HIRA: variants seen among roughly 807,000 people sequenced by gnomAD.
The protein encoded by HIRA is protein HIRA.
HIRA carries 13 observed loss-of-function variants against 126.6 expected under a neutral mutation model. That is an observed-to-expected ratio of 0.10 (90% confidence interval 0.07 to 0.16). HIRA has a LOEUF of 0.16. Among genes scored for constraint, HIRA ranks in the 10% least tolerant of loss-of-function variants. HIRA has a pLI of 1.00. For synonymous variants in HIRA, 511 were observed against 520.0 expected, an observed-to-expected ratio of 0.98 and a Z score of 0.24; for missense variants, 834 against 1,314.4, an observed-to-expected ratio of 0.63 and a Z score of 5.65.
rs2088487297 is a variant in HIRA, at chr22:19,331,595, G to A, written c.2938-39C>T. The A allele has an allele frequency of 1.9e-6, 3 of 1,545,140 alleles. No homozygotes were observed. The East Asian group carries it at 6.8e-5, about 35-fold the overall frequency. ...GTGACAGCTGAGTGCAAGTGTCAGTGAAGAGACCTAGATTGTGGGGACTTT... is the reference window on the plus strand; with the variant it reads ...GTGACAGCTGAGTGCAAGTGTCAGTAAAGAGACCTAGATTGTGGGGACTTT... On this transcript the variant is annotated intron_variant, in intron 24 of 24. Coordinates refer to ENST00000263208, the MANE Select transcript of HIRA (RefSeq NM_003325.4).
chr22:19,383,662 C>T lies in HIRA; in HGVS notation c.1373G>A (p.Arg458Gln). ...KQVETRTADG[R>Q]RRITPLCIAQ... ...TATGCAGAGAGGCGTGATTCTTCTC[C>T]GGCCATCTGCTGTCCGAGTCTCAAC... The change falls in exon 13 of 25, where the codon CGG becomes CAG. Residue 458 changes from arginine to glutamine, a missense_variant. Arg to Gln is a conservative substitution (Grantham distance 43). This residue lies in a region of HIRA where 153 missense variants were observed against 270.6 expected (regional missense o/e 0.57). Transcript: ENST00000263208. 1.2e-6 allele frequency: 2 copies of T among 1,614,140 alleles called. No individual in the cohort carries two copies. The highest frequency in any genetic ancestry group is 2.2e-5 in the East Asian group (1 of 44,890).
chr22:19,376,758 ACATAAGACTC>A (rs2089022808), intron 14 of HIRA, among the ~76,000 whole-genome samples: 1 of 152,178 alleles, frequency 6.6e-6, no homozygotes, highest in South Asian at 2.1e-4. Flanking sequence ...GGCTGAAGTA[ACATAAGACTC>A]CATTCCACCA....
intron 9 of HIRA, among the ~76,000 whole-genome samples, chr22:19,391,382 A>G (rs1276901685): frequency 6.6e-6 from 1 of 152,100 alleles, no homozygotes; most frequent in Admixed American, 6.6e-5. Context: ...GACAAAAAGG[A>G]GTGCTCTAGG....
intron 13 of HIRA, among the ~76,000 whole-genome samples, chr22:19,379,088 C>T (rs1300673271): frequency 2.2e-4 from 33 of 151,118 alleles, no homozygotes; most frequent in African/African-American, 6.6e-4. Flanking sequence ...AGTGCAGTGG[C>T]GCGATCTCGC....
At chr22:19,358,061 G>A (rs930655561) in intron 18 of HIRA, among the ~76,000 whole-genome samples, 1 of 152,138 alleles carries the variant, frequency 6.6e-6, no homozygotes, top group Non-Finnish European at 1.5e-5. Flanking sequence ...GTGTAGTGGC[G>A]TGATCTCGGC....
At chr22:19,334,457 T>A (rs71313923) in intron 24 of HIRA, among the ~76,000 whole-genome samples, 1 of 150,146 alleles carries the variant, frequency 6.7e-6, no homozygotes, top group Non-Finnish European at 1.5e-5. Flanking sequence ...TCGAGACCAG[T>A]CTGGCCAACA....
intron 1 of HIRA, among the ~76,000 whole-genome samples, chr22:19,423,374 C>T (rs1009466421): frequency 5.3e-5 from 8 of 152,096 alleles, no homozygotes; most frequent in Non-Finnish European, 1.2e-4. Flanking sequence ...ATCCCAGTCT[C>T]ACTGGCCAGG....
At chr22:19,347,069 A>G (rs2088695306) in intron 24 of HIRA, among the ~76,000 whole-genome samples, 1 of 152,226 alleles carries the variant, frequency 6.6e-6, no homozygotes, top group South Asian at 2.1e-4. Flanking sequence ...TCTTGGGCTA[A>G]GGCTGACAGA....
intron 1 of HIRA, among the ~76,000 whole-genome samples, chr22:19,415,218 A>C (rs2089386487): frequency 6.6e-6 from 1 of 152,228 alleles, no homozygotes; most frequent in East Asian, 1.9e-4. Flanking sequence ...TAGTGCTAAT[A>C]ATGAATTCAG....
At position 19,375,573 on chromosome 22, in the gene HIRA, C is replaced by T. The variant is rs141112797; in HGVS notation, c.1775+58G>A. 741 of 1,575,368 alleles carry T rather than the reference C, an allele frequency of 4.7e-4. 7 individuals carry two copies. In the African/African-American group the frequency reaches 9.3e-3, roughly 20 times the overall value. On this transcript the variant is annotated intron_variant, in intron 15 of 24. Transcript: ENST00000263208. ...GCTTGGTGGGAACACTGCCACTGTG[C>T]TGTTGACCCATGCCTGCACCCTGCC...
At chr22:19,394,282 C>A in intron 8 of HIRA, 60 bp downstream of exon 8, 1 of 1,563,416 alleles carries the variant, frequency 6.4e-7, no homozygotes, top group South Asian at 1.1e-5. Context: ...CAAAATAAAC[C>A]AAGAATTAAT....
Position 19,357,056 on chromosome 22 carries a change from G to A in HIRA, c.2235-5C>T. ...CAGGCGACACACACCACGTCACTGA[G>A]AAGGCAGAGTGGGGGCAGGTGTCAT... On this transcript the variant is annotated splice_region_variant and splice_polypyrimidine_tract_variant and intron_variant, in intron 18 of 24. Transcript: ENST00000263208. 6.2e-7 allele frequency: 1 copy of A among 1,613,952 alleles called. No homozygotes were observed. Among genetic ancestry groups the A allele is most frequent in the Non-Finnish European group, 8.5e-7 (1 of 1,179,954 alleles).
At chr22:19,428,782 A>T (rs2089507892) in intron 1 of HIRA, among the ~76,000 whole-genome samples, 1 of 152,138 alleles carries the variant, frequency 6.6e-6, no homozygotes, top group South Asian at 2.1e-4. Flanking sequence ...TCCCATTTCT[A>T]TTAAAAAAAA....
chr22:19,342,165 A>T (rs2088636447), intron 24 of HIRA, among the ~76,000 whole-genome samples: 1 of 152,192 alleles, frequency 6.6e-6, no homozygotes, highest in African/African-American at 2.4e-5. Flanking sequence ...AATTCTCAAA[A>T]GAAGATATAC....
Position 19,355,815 on chromosome 22 carries a change from C to G in HIRA, c.2506G>C (p.Val836Leu). The change falls in exon 21 of 25, where the codon GTA becomes CTA. Residue 836 changes from valine to leucine, a missense_variant. Physicochemically the swap from Val to Leu is conservative, Grantham distance 32. Coordinates refer to ENST00000263208, the MANE Select transcript of HIRA (RefSeq NM_003325.4). ...GCCTTCCCATCGGACAGGTTCATTA[C>G]TGGGATTCCATGCTGCGTCAGCAAG... ...QILLTQHGIP[V>L]MNLSDGKAYC... The G allele has an allele frequency of 6.2e-7, 1 of 1,614,144 alleles. No homozygotes were observed. The highest frequency in any genetic ancestry group is 8.5e-7 in the Non-Finnish European group (1 of 1,179,990).
intron 13 of HIRA, among the ~76,000 whole-genome samples, chr22:19,380,554 A>G (rs2089063425): frequency 6.6e-6 from 1 of 152,176 alleles, no homozygotes; most frequent in African/African-American, 2.4e-5. Context: ...TTCCCTGGCT[A>G]ATCTTCTTTT....
rs567855164 is a variant in HIRA at position 19,410,199 on chromosome 22, T to C, written c.100+517A>G. Among the ~76,000 whole-genome samples, 5 of 152,354 alleles carry C rather than the reference T, an allele frequency of 3.3e-5. No individual in the cohort carries two copies. The South Asian group carries it at 1.0e-3, about 32-fold the overall frequency. On this transcript the variant is annotated intron_variant, in intron 2 of 24. Transcript: ENST00000263208. Reference sequence around the variant, plus strand: ...ATTGCAAAAGATGCTGGCTGAAGCATAAGGGCAATACTACCAATAACAGTT... The same window carrying C: ...ATTGCAAAAGATGCTGGCTGAAGCACAAGGGCAATACTACCAATAACAGTT...
intron 15 of HIRA, among the ~76,000 whole-genome samples, chr22:19,368,235 T>TA (rs1352685867): frequency 5.9e-5 from 9 of 152,176 alleles, no homozygotes; most frequent in African/African-American, 2.2e-4. Context: ...CACCAGCGTG[T>TA]AGAATCCTGG....
intron 9 of HIRA, among the ~76,000 whole-genome samples, chr22:19,390,926 T>C (rs2089175005): frequency 6.6e-6 from 1 of 151,908 alleles, no homozygotes; most frequent in African/African-American, 2.4e-5. Flanking sequence ...TTCCAGCTTA[T>C]CATGTCCTTG....
Sources: allele counts gnomAD v4.1 joint callset (sites outside exome capture counted in the v4.1 genomes callset), GRCh38; gene constraint gnomAD v4.1.1; regional missense constraint gnomAD v4.1.1; transcripts MANE v1.5; gene names NCBI Gene and HGNC (gene_info 2026-07-23, HGNC 2026-07-21).